Variants in MBIP observed in about 807,000 individuals in gnomAD.
MBIP encodes MAP3K12-binding inhibitory protein 1.
In MBIP, 32 loss-of-function variants were observed where a neutral mutation model predicts 45.7. The ratio of observed to expected loss-of-function variants is 0.70; its 90% CI spans 0.53 to 0.94. MBIP has a LOEUF of 0.94. MBIP is among the 40% of genes least tolerant of loss of function. The probability of loss-of-function intolerance (pLI) is 0.00; values close to 1 mark genes in which losing one functional copy is unlikely to be tolerated. For synonymous variants in MBIP, 145 were observed against 141.0 expected (o/e 1.03, Z -0.20); for missense variants, 381 against 405.5 (o/e 0.94, Z 0.52).
rs752176561 is a variant in MBIP, at chr14:36,320,621, C to T, written c.-33G>A. 7 of 1,576,698 alleles carry T rather than the reference C, an allele frequency of 4.4e-6. No homozygotes were observed. The highest frequency in any genetic ancestry group is 5.2e-6 in the Non-Finnish European group (6 of 1,160,968). On this transcript the variant is annotated 5_prime_UTR_variant, in exon 1 of 9. Transcript: ENST00000416007. ...TCTCAGGCCGCCCCACCACCACCAC[C>T]ACCAAGATTTGCTCACAACCCCGCC...
At chr14:36,299,384 CA>C (rs1009739717) in intron 8 of MBIP, among the ~76,000 whole-genome samples, 194 bp from the exon 9 acceptor site, 5 of 150,926 alleles carry the variant, frequency 3.3e-5, no homozygotes, top group African/African-American at 1.2e-4. Flanking sequence ...CATAAAATAA[CA>C]AGGCTTAAAT....
intron 1 of MBIP, chr14:36,319,564 T>C: frequency 2.3e-6 from 1 of 443,148 alleles, no homozygotes; most frequent in Non-Finnish European, 4.5e-6. Context: ...AGACAAATGT[T>C]CTATTTTCAT....
chr14:36,320,398 A>G (rs1365249226), intron 1 of MBIP, 62 bp downstream of exon 1: 19 of 1,610,600 alleles, frequency 1.2e-5, no homozygotes, highest in Non-Finnish European at 1.5e-5. Flanking sequence ...TGCTAGAGAA[A>G]AAGAATGGCG....
At chr14:36,310,920 T>C (rs990903895) in intron 6 of MBIP, among the ~76,000 whole-genome samples, 13 of 152,144 alleles carry the variant, frequency 8.5e-5, no homozygotes, top group Admixed American at 8.5e-4. Flanking sequence ...AAGATCAAAT[T>C]TGAGCTTTAG....
intron 7 of MBIP, among the ~76,000 whole-genome samples, chr14:36,304,462 T>C (rs74803057): frequency 0.032 from 4,918 of 152,310 alleles, 91 homozygotes; most frequent in African/African-American, 0.039. Flanking sequence ...AATATACTTG[T>C]AAAAGCATGT....
chr14:36,305,433 T>C (rs908345208), intron 7 of MBIP: 1 of 152,168 alleles, frequency 6.6e-6, no homozygotes, highest in African/African-American at 2.4e-5. Context: ...AAAAGATATA[T>C]AGTTTTTTTT....
At chr14:36,312,811 TTA>T (rs1214136337) in intron 4 of MBIP, among the ~76,000 whole-genome samples, 1 of 152,126 alleles carries the variant, frequency 6.6e-6, no homozygotes, top group Non-Finnish European at 1.5e-5. Flanking sequence ...TAATATATAC[TTA>T]TGTTTGAAAT....
At chr14:36,301,572 C>A (rs1216440195) in intron 7 of MBIP, among the ~76,000 whole-genome samples, 1 of 143,250 alleles carries the variant, frequency 7.0e-6, no homozygotes, top group Non-Finnish European at 1.5e-5. Flanking sequence ...GAAGTTAACA[C>A]CAAGCAGAGT....
At position 36,320,596 on chromosome 14, in the gene MBIP, T is replaced by G; in HGVS notation, c.-8A>C. 1.9e-6 allele frequency: 3 copies of G among 1,596,310 alleles called. No individual in the cohort carries two copies. Among genetic ancestry groups the G allele is most frequent in the Non-Finnish European group, 2.6e-6 (3 of 1,170,150 alleles). ...CTCCGTGGCAGCAGCCATGATATCT[T>G]CTCAGGCCGCCCCACCACCACCACC... On this transcript the variant is annotated 5_prime_UTR_variant, in exon 1 of 9. Transcript: ENST00000416007.
At chr14:36,304,427 G>A (rs896267685) in intron 7 of MBIP, among the ~76,000 whole-genome samples, 6 of 152,196 alleles carry the variant, frequency 3.9e-5, no homozygotes, top group Non-Finnish European at 7.3e-5. Flanking sequence ...ATAAACATAT[G>A]AGTGATAAAT....
At position 36,311,978 on chromosome 14, in the gene MBIP, T is replaced by G. The variant is rs763574644; in HGVS notation, c.618A>C (p.Gly206=). 1 of 1,596,936 alleles carries G rather than the reference T, an allele frequency of 6.3e-7. No homozygotes were observed. Among genetic ancestry groups the G allele is most frequent in the South Asian group, 1.2e-5 (1 of 86,714 alleles). ...ACTTACCTTTTACGTGACTTTTAAA[T>G]CCGGGGTAAGGGGTAAAAATCGCAT... ...RTDAIFTPYP[G]FKSHVKVSRV... Residue 206 remains glycine (G), a synonymous_variant, in exon 5 of 9, where the codon GGA becomes GGC. Coordinates refer to ENST00000416007, the MANE Select transcript of MBIP (RefSeq NM_016586.3).
At chr14:36,311,819 A>G (rs1880229515) in intron 5 of MBIP, 94 bp from the exon 6 acceptor site, 1 of 1,247,822 alleles carries the variant, frequency 8.0e-7, no homozygotes, top group Non-Finnish European at 1.1e-6. Flanking sequence ...TTTCATAAAG[A>G]CCATCTAACC....
intron 8 of MBIP, 126 bp from the exon 9 acceptor site, chr14:36,299,316 T>C: frequency 1.5e-6 from 1 of 646,428 alleles, no homozygotes; most frequent in Non-Finnish European, 2.7e-6. Context: ...TTTTCCCTCA[T>C]GAGAATAATC....
intron 1 of MBIP, chr14:36,319,946 T>G (rs1343544736): frequency 6.1e-6 from 1 of 164,186 alleles, no homozygotes; most frequent in African/African-American, 2.4e-5. Flanking sequence ...TCTCCCCATT[T>G]GAAAGGATTA....
chr14:36,314,376 CTTAA>C (rs1480835812), intron 4 of MBIP, 132 bp downstream of exon 4: 1 of 614,008 alleles, frequency 1.6e-6, no homozygotes, highest in African/African-American at 1.9e-5. Context: ...ACTCTACTGT[CTTAA>C]TTACTAACTA....
At chr14:36,318,889 C>G (rs1323512150) in intron 1 of MBIP, among the ~76,000 whole-genome samples, 1 of 151,986 alleles carries the variant, frequency 6.6e-6, no homozygotes, top group African/African-American at 2.4e-5. Flanking sequence ...AATTTTCACT[C>G]TTAACACTTC....
At chr14:36,315,381 A>G (rs952183229) in intron 2 of MBIP, among the ~76,000 whole-genome samples, 1 of 152,034 alleles carries the variant, frequency 6.6e-6, no homozygotes. Context: ...CTGCATTATC[A>G]CTGTATCACT....
intron 2 of MBIP, 95 bp from the exon 3 acceptor site, chr14:36,315,010 A>T (rs1424839610): frequency 1.6e-5 from 12 of 729,506 alleles, no homozygotes; most frequent in Non-Finnish European, 2.5e-5. Flanking sequence ...AAGTAAATGA[A>T]ATACTTAATA....
In MBIP at chr14:36,320,598, T is replaced by C; in HGVS notation, c.-10A>G. On this transcript the variant is annotated 5_prime_UTR_variant, in exon 1 of 9. Coordinates refer to ENST00000416007, the MANE Select transcript of MBIP (RefSeq NM_016586.3). Reference sequence around the variant, plus strand: ...CCGTGGCAGCAGCCATGATATCTTCTCAGGCCGCCCCACCACCACCACCAC... The same window carrying C: ...CCGTGGCAGCAGCCATGATATCTTCCCAGGCCGCCCCACCACCACCACCAC... 1 of 1,595,640 alleles carries C rather than the reference T, an allele frequency of 6.3e-7. No homozygotes were observed. The highest frequency in any genetic ancestry group is 8.5e-7 in the Non-Finnish European group (1 of 1,169,760).
Sources: gnomAD v4.1 joint callset for allele counts (sites outside exome capture counted in the v4.1 genomes callset) on GRCh38, gnomAD v4.1.1 for gene constraint, MANE v1.5 for transcripts, NCBI Gene and HGNC (gene_info 2026-07-23, HGNC 2026-07-21) for gene names.